Variants in ZNF425 observed in about 807,000 individuals in gnomAD.
The protein encoded by ZNF425 is zinc finger protein 425.
Under a neutral mutation model 17.0 loss-of-function variants are expected in ZNF425, and 21 were observed. The ratio of observed to expected loss-of-function variants is 1.23; its 90% confidence interval spans 0.88 to 1.78. The LOEUF (loss-of-function observed/expected upper bound fraction) is 1.78, where lower values mean the gene tolerates loss of function less well. Ranked by LOEUF, ZNF425 falls within the 40% of genes most tolerant of loss-of-function variation. The pLI, the probability that ZNF425 is intolerant of heterozygous loss-of-function variation, is 0.00. For synonymous variants in ZNF425, 433 were observed against 384.1 expected (o/e 1.13, Z -1.49); for missense variants, 868 against 967.3 (o/e 0.90, Z 1.36).
At chr7:149,122,284 CT>C (rs1183706614) in intron 1 of ZNF425, among the ~76,000 whole-genome samples, 47 of 145,456 alleles carry the variant, frequency 3.2e-4, no homozygotes, top group Non-Finnish European at 3.5e-4. Context: ...AAGGAAGATT[CT>C]TTTTTTTTTT....
chr7:149,104,763 T>C lies in ZNF425; in HGVS notation c.1108A>G (p.Lys370Glu), dbSNP rs764085132. The part of the protein sequence containing the change: ...CPECGRSFSR[K>E]AALKTHQRTH... ...CTCTGGTGGGTCTTCAGGGCAGCCTTCCGGGAGAAGCTCCGGCCACACTCG... is the reference window on the plus strand; with the variant it reads ...CTCTGGTGGGTCTTCAGGGCAGCCTCCCGGGAGAAGCTCCGGCCACACTCG... The change falls in exon 4 of 4, where the codon AAG becomes GAG. Residue 370 changes from lysine to glutamate, a missense_variant. Transcript: ENST00000378061. The surrounding 1 kb of genome is among the most constrained non-coding windows in gnomAD (Gnocchi z 4.3). The C allele has an allele frequency of 1.2e-6, 2 of 1,613,150 alleles. No individual in the cohort carries two copies. Among genetic ancestry groups the C allele is most frequent in the African/African-American group, 2.7e-5 (2 of 75,030 alleles).
In ZNF425 at chr7:149,112,309, C is replaced by T. The variant is rs371072764; in HGVS notation, c.146-14G>A. ...AAAAAGCATACCCTGCAAATAGAGT[C>T]CACACAGACTTTGAGTTTACTGCAT... On this transcript the variant is annotated splice_polypyrimidine_tract_variant and intron_variant, in intron 2 of 3. Transcript: ENST00000378061. 1.4e-5 allele frequency: 22 copies of T among 1,609,952 alleles called. No individual in the cohort carries two copies. The African/African-American group carries it at 2.9e-4, about 22-fold the overall frequency.
Position 149,104,558 on chromosome 7 carries a change from C to T in ZNF425, c.1313G>A (p.Gly438Glu), listed in dbSNP as rs748323691. The change falls in exon 4 of 4, where the codon GGG (glycine) becomes GAG (glutamate). Residue 438 changes from glycine to glutamate, a missense_variant. Coordinates refer to ENST00000378061, the MANE Select transcript of ZNF425 (RefSeq NM_001001661.3). This position sits in a 1 kb window ranked among gnomAD's most constrained non-coding sequence, Gnocchi z 4.3. Reference protein sequence around the residue: ...SLKAHGLQHIGKRPFQCPECS... With the variant: ...SLKAHGLQHIEKRPFQCPECS... Reference sequence around the variant, plus strand: ...CTCCGGGCACTGGAAGGGCCGCTTCCCAATGTGCTGCAGCCCGTGGGCTTT... The same window carrying T: ...CTCCGGGCACTGGAAGGGCCGCTTCTCAATGTGCTGCAGCCCGTGGGCTTT... 7 of 1,613,402 alleles carry T rather than the reference C, an allele frequency of 4.3e-6. No homozygotes were observed. In the South Asian group the frequency reaches 7.7e-5, roughly 18 times the overall value.
chr7:149,126,306 G>T lies in ZNF425; in HGVS notation c.-93C>A, dbSNP rs372295060. On this transcript the variant is annotated 5_prime_UTR_variant, in exon 1 of 4. Coordinates refer to ENST00000378061, the MANE Select transcript of ZNF425 (RefSeq NM_001001661.3). ...AGGTACAGCCCTGCTGGCCCCCAAAGGCAGAGCCGGCCGGGCGCGGTGCAT... is the reference window on the plus strand; with the variant it reads ...AGGTACAGCCCTGCTGGCCCCCAAATGCAGAGCCGGCCGGGCGCGGTGCAT... The T allele has an allele frequency of 6.6e-7, 1 of 1,504,124 alleles. No individual in the cohort carries two copies. Among genetic ancestry groups the T allele is most frequent in the South Asian group, 1.3e-5 (1 of 78,720 alleles). The allele number at this position is 1,504,124 out of a possible 1,614,324, so 93.2% of individuals were successfully genotyped here.
At chr7:149,110,276 AT>A (rs1418056669) in intron 3 of ZNF425, among the ~76,000 whole-genome samples, 1 of 150,754 alleles carries the variant, frequency 6.6e-6, no homozygotes, top group African/African-American at 2.4e-5. Flanking sequence ...CTAGAAAAGC[AT>A]TTGTGCAGCC....
At chr7:149,126,074 G>A in intron 1 of ZNF425, 122 bp downstream of exon 1, 1 of 1,552,608 alleles carries the variant, frequency 6.4e-7, no homozygotes, top group Non-Finnish European at 8.8e-7. Flanking sequence ...TCAGTCCGTG[G>A]GCCACTGCCA....
chr7:149,104,373 A>G lies in ZNF425; in HGVS notation c.1498T>C (p.Cys500Arg), dbSNP rs561410504. ...RVHDRQKEFP[C>R]GECKKTFSQQ... Reference sequence around the variant, plus strand: ...GAAAAGGTCTTTTTGCACTCGCCGCAGGGAAACTCCTTCTGCCTGTCGTGG... The same window carrying G: ...GAAAAGGTCTTTTTGCACTCGCCGCGGGGAAACTCCTTCTGCCTGTCGTGG... Residue 500 changes from cysteine to arginine, a missense_variant, in exon 4 of 4, where the codon TGC becomes CGC. By Grantham distance (180) the Cys-to-Arg change is radical. Coordinates refer to ENST00000378061, the MANE Select transcript of ZNF425 (RefSeq NM_001001661.3). The surrounding 1 kb of genome is among the most constrained non-coding windows in gnomAD (Gnocchi z 4.3). The G allele has an allele frequency of 1.2e-6, 2 of 1,610,994 alleles. No individual in the cohort carries two copies. Among genetic ancestry groups the G allele is most frequent in the Non-Finnish European group, 1.7e-6 (2 of 1,178,608 alleles).
intron 3 of ZNF425, among the ~76,000 whole-genome samples, chr7:149,107,430 C>T (rs546860031): frequency 4.7e-4 from 71 of 151,690 alleles, no homozygotes; most frequent in Admixed American, 1.3e-3. Flanking sequence ...CTCCACCTCC[C>T]GGGTTCATGC....
intron 1 of ZNF425, among the ~76,000 whole-genome samples, chr7:149,124,117 G>A (rs1826410338): frequency 6.6e-6 from 1 of 151,548 alleles, no homozygotes; most frequent in African/African-American, 2.4e-5. Context: ...AAAGTGCTGG[G>A]ATTACAGGCC....
chr7:149,122,174 G>A (rs866153621), intron 1 of ZNF425, among the ~76,000 whole-genome samples: 5 of 149,944 alleles, frequency 3.3e-5, no homozygotes, highest in Admixed American at 6.7e-5. Context: ...CTCGTGATCC[G>A]CCCACTCTCG....
chr7:149,108,700 T>C (rs1826122271), intron 3 of ZNF425, among the ~76,000 whole-genome samples: 1 of 152,128 alleles, frequency 6.6e-6, no homozygotes, highest in Non-Finnish European at 1.5e-5. Context: ...GAGACCATCC[T>C]GGCTAACACG....
intron 3 of ZNF425, among the ~76,000 whole-genome samples, chr7:149,107,835 CATTTATTTATTTATTT>C (rs55746271): frequency 1.4e-5 from 2 of 138,010 alleles, no homozygotes; most frequent in Non-Finnish European, 3.1e-5. Flanking sequence ...AACTCTCTCC[CATTTATTTATTTATTT>C]ATTTATTTAT....
intron 1 of ZNF425, among the ~76,000 whole-genome samples, chr7:149,119,261 C>T (rs1484893925): frequency 1.3e-5 from 2 of 151,928 alleles, no homozygotes; most frequent in East Asian, 1.9e-4. Flanking sequence ...ACGGGGTGTG[C>T]CACCATGCCT....
rs114535606 is a variant in ZNF425 at position 149,107,959 on chromosome 7, G to A, written c.305-2393C>T. ...CATTTCACTGCAGCCTTGACCTCCAGGGCTCAAGTGATCCTCCAACGTTAG... is the reference window on the plus strand; with the variant it reads ...CATTTCACTGCAGCCTTGACCTCCAAGGCTCAAGTGATCCTCCAACGTTAG... On this transcript the variant is annotated intron_variant, in intron 3 of 3. Transcript: ENST00000378061. 3.7e-3 allele frequency among the ~76,000 whole-genome samples: 565 copies of A among 151,786 alleles called. 5 individuals carry two copies. The highest frequency in any genetic ancestry group is 0.013 in the African/African-American group (535 of 41,388).
intron 1 of ZNF425, among the ~76,000 whole-genome samples, chr7:149,120,950 T>G (rs1396777566): frequency 1.3e-5 from 2 of 152,008 alleles, no homozygotes. Context: ...GGATTTGGGG[T>G]GGGCATGTTT....
intron 1 of ZNF425, 73 bp downstream of exon 1, chr7:149,126,123 C>G (rs770055764): frequency 6.2e-7 from 1 of 1,607,590 alleles, no homozygotes; most frequent in Non-Finnish European, 8.5e-7. Flanking sequence ...ACTCCCTGGA[C>G]GCGGACCCCA....
chr7:149,108,845 T>G (rs145971572), intron 3 of ZNF425, among the ~76,000 whole-genome samples: 1 of 152,174 alleles, frequency 6.6e-6, no homozygotes, highest in African/African-American at 2.4e-5. Flanking sequence ...TGAGCTGAGA[T>G]TGCACCACTG....
chr7:149,111,614 A>T (rs1478801901), intron 3 of ZNF425, among the ~76,000 whole-genome samples: 1 of 144,542 alleles, frequency 6.9e-6, no homozygotes, highest in African/African-American at 2.8e-5. Flanking sequence ...AAAAAAAAAA[A>T]AAAAAAATTA....
chr7:149,121,010 T>G (rs1399163115), intron 1 of ZNF425, among the ~76,000 whole-genome samples: 1 of 151,984 alleles, frequency 6.6e-6, no homozygotes, highest in East Asian at 1.9e-4. Context: ...TGTCATATGA[T>G]GAGTATTTGT....
Sources: allele counts gnomAD v4.1 joint callset (sites outside exome capture counted in the v4.1 genomes callset), GRCh38; gene constraint gnomAD v4.1.1; non-coding constraint Gnocchi (gnomAD v3.1); transcripts MANE v1.5; gene names NCBI Gene and HGNC (gene_info 2026-07-23, HGNC 2026-07-21).